PKNOX2: variants seen among roughly 807,000 people sequenced by gnomAD.
The protein encoded by PKNOX2 is homeobox protein PKNOX2.
In PKNOX2, 14 loss-of-function variants were observed where a neutral mutation model predicts 53.1. The ratio of observed to expected loss-of-function variants is 0.26; its 90% CI spans 0.17 to 0.41. The LOEUF is 0.41. PKNOX2 is among the 10% of genes least tolerant of loss of function. The pLI is 1.00. For missense variants in PKNOX2, 496 were observed against 602.8 expected, an observed-to-expected ratio of 0.82 and a Z score of 1.85; for synonymous variants, 257 against 242.8, an observed-to-expected ratio of 1.06 and a Z score of -0.54.
At chr11:125,197,640 C>T (rs1352708869) in intron 1 of PKNOX2, among the ~76,000 whole-genome samples, 2 of 152,060 alleles carry the variant, frequency 1.3e-5, no homozygotes, top group Non-Finnish European at 2.9e-5. Context: ...CCTTCCCTGC[C>T]CCAAAGCAGA....
chr11:125,197,735 G>A (rs963289743), intron 1 of PKNOX2, among the ~76,000 whole-genome samples: 2 of 152,202 alleles, frequency 1.3e-5, no homozygotes, highest in Non-Finnish European at 2.9e-5. Flanking sequence ...AGTCCCCAAG[G>A]GGAAGACACA....
chr11:125,223,700 C>T (rs1451892838), intron 1 of PKNOX2, among the ~76,000 whole-genome samples: 1 of 152,022 alleles, frequency 6.6e-6, no homozygotes, highest in Non-Finnish European at 1.5e-5. Flanking sequence ...ACTTTGACTT[C>T]CAGAAGATTA....
intron 4 of PKNOX2, among the ~76,000 whole-genome samples, chr11:125,357,236 A>G (rs565107995): frequency 1.6e-4 from 24 of 152,118 alleles, no homozygotes; most frequent in Admixed American, 1.4e-3. Flanking sequence ...TGGGCCACCC[A>G]TGTCTTTAAG....
chr11:125,322,431 G>A (rs79439349), intron 2 of PKNOX2, among the ~76,000 whole-genome samples: 3,954 of 152,228 alleles, frequency 0.026, 175 homozygotes, highest in African/African-American at 0.089. Context: ...CATTATGACA[G>A]TGCTGAGGGA....
At chr11:125,375,719 C>A (rs1952795221) in intron 5 of PKNOX2, among the ~76,000 whole-genome samples, 1 of 152,196 alleles carries the variant, frequency 6.6e-6, no homozygotes, top group African/African-American at 2.4e-5. Flanking sequence ...CACCTCCTCA[C>A]AGCATCTCTT....
Position 125,240,505 on chromosome 11 carries a change from C to T in PKNOX2, c.-130+5390C>T, listed in dbSNP as rs78781385. 7.6e-3 allele frequency among the ~76,000 whole-genome samples: 1,158 copies of T among 152,050 alleles called. 17 individuals are homozygous for T. Among genetic ancestry groups the T allele is most frequent in the African/African-American group, 0.026 (1,085 of 41,480 alleles). On this transcript the variant is annotated intron_variant, in intron 2 of 12. Transcript: ENST00000298282. This position sits in a 1 kb window ranked among gnomAD's most constrained non-coding sequence, Gnocchi z 4.3. The stretch of plus-strand genomic sequence containing the variant: ...AGAAGAGGTGGAAAGGGAGAGAGAC[C>T]CTTTCCCGCTGCAAGCAGGGCAAGA...
intron 1 of PKNOX2, among the ~76,000 whole-genome samples, chr11:125,215,516 C>T (rs1485058189): frequency 1.3e-5 from 2 of 152,054 alleles, no homozygotes; most frequent in African/African-American, 4.8e-5. Flanking sequence ...CTTTGGGAGG[C>T]TGAAGCAGGC....
At position 125,422,558 on chromosome 11, in the gene PKNOX2, G is replaced by T. The variant is rs897689650; in HGVS notation, c.937-6454G>T. 1.3e-5 allele frequency among the ~76,000 whole-genome samples: 2 copies of T among 152,140 alleles called. No homozygotes were observed. Among genetic ancestry groups the T allele is most frequent in the African/African-American group, 4.8e-5 (2 of 41,424 alleles). ...ATGTGTCCCCAGGGAAGGAAGAATT[G>T]GATTGATGCTTCTCCATCCAAGACT... On this transcript the variant is annotated intron_variant, in intron 10 of 12. Coordinates refer to ENST00000298282, the MANE Select transcript of PKNOX2 (RefSeq NM_001382323.2). This position sits in a 1 kb window ranked among gnomAD's most constrained non-coding sequence, Gnocchi z 4.1.
chr11:125,213,490 A>G (rs1940116590), intron 1 of PKNOX2, among the ~76,000 whole-genome samples: 1 of 152,014 alleles, frequency 6.6e-6, no homozygotes, highest in African/African-American at 2.4e-5. Flanking sequence ...AGGATCTCTC[A>G]CTCTGTCACC....
chr11:125,387,902 T>C (rs540000224), intron 6 of PKNOX2, among the ~76,000 whole-genome samples: 1 of 152,080 alleles, frequency 6.6e-6, no homozygotes, highest in African/African-American at 2.4e-5. Flanking sequence ...ATGACTTAAC[T>C]CCTTTGAAGC....
chr11:125,267,244 C>T (rs772505523), intron 2 of PKNOX2, among the ~76,000 whole-genome samples: 2 of 152,186 alleles, frequency 1.3e-5, no homozygotes, highest in Non-Finnish European at 2.9e-5. Flanking sequence ...CAAACTCCTC[C>T]CCTTGTGCTC....
At chr11:125,301,551 A>G (rs1948071886) in intron 2 of PKNOX2, among the ~76,000 whole-genome samples, 1 of 151,862 alleles carries the variant, frequency 6.6e-6, no homozygotes, top group Admixed American at 6.6e-5. Context: ...GCTCCCCAGG[A>G]CTCCTGCATA....
intron 1 of PKNOX2, among the ~76,000 whole-genome samples, chr11:125,194,769 T>C (rs949866839): frequency 2.0e-5 from 3 of 152,216 alleles, no homozygotes; most frequent in Non-Finnish European, 2.9e-5. Context: ...AACGCATTTT[T>C]AGTGATGGGA....
Position 125,343,714 on chromosome 11 carries a change from G to A in PKNOX2, c.-22-7570G>A, listed in dbSNP as rs992138996. ...TTGAAGCCAGAAAAGGTGTGACAGC[G>A]AGGCAGGGAGGGCGGTGGGGCTCCA... On this transcript the variant is annotated intron_variant, in intron 3 of 12. Transcript: ENST00000298282. Among the ~76,000 whole-genome samples, 7 of 152,204 alleles carry A rather than the reference G, an allele frequency of 4.6e-5. No individual in the cohort carries two copies. The East Asian group carries it at 5.8e-4, about 13-fold the overall frequency.
At chr11:125,168,213 T>A (rs1421859817) in intron 1 of PKNOX2, among the ~76,000 whole-genome samples, 2 of 152,260 alleles carry the variant, frequency 1.3e-5, no homozygotes, top group African/African-American at 4.8e-5. Context: ...CAAGGCAGGC[T>A]GTTTTTCAGT....
chr11:125,230,374 T>C lies in PKNOX2; in HGVS notation c.-200-4671T>C, dbSNP rs979955542. Among the ~76,000 whole-genome samples the C allele has an allele frequency of 2.0e-5, 3 of 152,098 alleles. No individual in the cohort carries two copies. In the East Asian group the frequency reaches 5.8e-4, roughly 29 times the overall value. The stretch of plus-strand genomic sequence containing the variant: ...AACAAGTGTAAGCAACTGCAAAACA[T>C]TGTCAGGTGATGAGGGTGCACGGGT... On this transcript the variant is annotated intron_variant, in intron 1 of 12. Transcript: ENST00000298282.
intron 2 of PKNOX2, among the ~76,000 whole-genome samples, chr11:125,268,902 C>T (rs1461779386): frequency 1.4e-5 from 2 of 139,840 alleles, no homozygotes; most frequent in African/African-American, 2.7e-5. Flanking sequence ...GCCAGCAGCC[C>T]GACAGCAATG....
chr11:125,334,624 G>A (rs1950335341), intron 3 of PKNOX2, among the ~76,000 whole-genome samples: 1 of 150,348 alleles, frequency 6.7e-6, no homozygotes, highest in Non-Finnish European at 1.5e-5. Flanking sequence ...TTTGAGACAG[G>A]GTCTCACTCT....
At chr11:125,411,918 C>A in intron 10 of PKNOX2, 53 bp downstream of exon 10, 1 of 1,610,022 alleles carries the variant, frequency 6.2e-7, no homozygotes, top group Non-Finnish European at 8.5e-7. Context: ...TATGAATAAC[C>A]CACCGTGTGG....
Sources: allele counts gnomAD v4.1 joint callset (sites outside exome capture counted in the v4.1 genomes callset), GRCh38; gene constraint gnomAD v4.1.1; non-coding constraint Gnocchi (gnomAD v3.1); transcripts MANE v1.5; gene names NCBI Gene and HGNC (gene_info 2026-07-23, HGNC 2026-07-21).